The following NCAM2 variants were observed in gnomAD, a reference collection of about 807,000 sequenced individuals.
The protein encoded by NCAM2 is neural cell adhesion molecule 2.
NCAM2 carries 30 observed loss-of-function variants against 98.1 expected under a neutral mutation model. The ratio of observed to expected loss-of-function variants is 0.31; its 90% CI spans 0.23 to 0.41. The LOEUF is 0.41. Ranked by LOEUF, NCAM2 falls within the 10% of genes least tolerant of loss-of-function variation. The pLI is 1.00. For synonymous variants in NCAM2, 368 were observed against 342.4 expected (o/e 1.07, Z -0.83); for missense variants, 867 against 1,005.8 (o/e 0.86, Z 1.87).
In NCAM2 at chr21:21,501,914, G is replaced by A. The variant is rs147506528; in HGVS notation, c.2078-6937G>A. 5.7e-4 allele frequency among the ~76,000 whole-genome samples: 87 copies of A among 152,028 alleles called. 1 individual carries two copies. In the East Asian group the frequency reaches 0.014, roughly 25 times the overall value. On this transcript the variant is annotated intron_variant, in intron 15 of 17. Transcript: ENST00000400546. ...ATCCAAATCAGCAATATTTTAAGAA[G>A]TATCCCTGTGAAGTCCAACACTGAT...
At chr21:21,312,348 A>G (rs2074081412) in intron 5 of NCAM2, among the ~76,000 whole-genome samples, 1 of 151,092 alleles carries the variant, frequency 6.6e-6, no homozygotes, top group Non-Finnish European at 1.5e-5. Context: ...ATTTAATAAT[A>G]CTCAATATAC....
chr21:21,248,630 AG>A (rs2147274475), intron 1 of NCAM2, among the ~76,000 whole-genome samples: 1 of 151,976 alleles, frequency 6.6e-6, no homozygotes, highest in Non-Finnish European at 1.5e-5. Flanking sequence ...CAAAAAAATT[AG>A]CTGGGCGTGG....
intron 16 of NCAM2, among the ~76,000 whole-genome samples, 170 bp from the exon 17 acceptor site, chr21:21,534,363 AATAT>A (rs766566415): frequency 1.3e-5 from 2 of 152,202 alleles, no homozygotes; most frequent in East Asian, 3.9e-4. Context: ...TCTGAGTGAT[AATAT>A]ATGGTGAAAC....
intron 11 of NCAM2, among the ~76,000 whole-genome samples, chr21:21,423,271 CTT>C (rs2077149072): frequency 6.6e-6 from 1 of 152,154 alleles, no homozygotes; most frequent in Non-Finnish European, 1.5e-5. Flanking sequence ...AGCCTCAGCT[CTT>C]TAAGAGTTTC....
intron 1 of NCAM2, among the ~76,000 whole-genome samples, chr21:21,119,000 T>G (rs2186976): frequency 6.6e-6 from 1 of 151,804 alleles, no homozygotes; most frequent in Admixed American, 6.6e-5. Flanking sequence ...TCTTGTCACC[T>G]CCTCTTTTTG....
intron 1 of NCAM2, among the ~76,000 whole-genome samples, chr21:21,151,127 A>G (rs1199959688): frequency 6.6e-6 from 1 of 151,980 alleles, no homozygotes; most frequent in Non-Finnish European, 1.5e-5. Flanking sequence ...ACACTTCTGT[A>G]TCTGGCAATT....
chr21:21,505,223 G>T (rs1987908319), intron 15 of NCAM2, among the ~76,000 whole-genome samples: 1 of 151,974 alleles, frequency 6.6e-6, no homozygotes, highest in Non-Finnish European at 1.5e-5. Context: ...GCTCCTATAT[G>T]GTTAAAAAAG....
intron 1 of NCAM2, among the ~76,000 whole-genome samples, chr21:21,168,411 C>T (rs1174958855): frequency 2.0e-5 from 3 of 151,942 alleles, no homozygotes; most frequent in Non-Finnish European, 4.4e-5. Flanking sequence ...TTCTCATTAG[C>T]GCTTTTCATC....
intron 1 of NCAM2, among the ~76,000 whole-genome samples, chr21:21,195,754 CAT>C (rs2068981657): frequency 6.6e-6 from 1 of 152,122 alleles, no homozygotes; most frequent in Non-Finnish European, 1.5e-5. Flanking sequence ...ATACTCCAGA[CAT>C]GATTGCTGTA....
chr21:21,054,182 A>G (rs1388523938), intron 1 of NCAM2, among the ~76,000 whole-genome samples: 1 of 151,948 alleles, frequency 6.6e-6, no homozygotes, highest in East Asian at 1.9e-4. Context: ...GCTTTTCATG[A>G]CTTTGTGATT....
intron 15 of NCAM2, among the ~76,000 whole-genome samples, chr21:21,507,603 C>T (rs1003993663): frequency 1.3e-4 from 20 of 151,942 alleles, no homozygotes; most frequent in Non-Finnish European, 2.5e-4. Flanking sequence ...ACCATCCTGG[C>T]TAACACGGTG....
intron 1 of NCAM2, among the ~76,000 whole-genome samples, chr21:21,042,664 TC>T (rs2064930099): frequency 6.6e-6 from 1 of 152,122 alleles, no homozygotes; most frequent in African/African-American, 2.4e-5. Flanking sequence ...TCTGAACTGC[TC>T]CCCTCAGGCC....
intron 1 of NCAM2, among the ~76,000 whole-genome samples, chr21:21,144,381 A>G (rs1032155249): frequency 3.3e-5 from 5 of 152,180 alleles, no homozygotes; most frequent in African/African-American, 1.2e-4. Flanking sequence ...TTCAAATTAC[A>G]AAACAAAATG....
rs181895171 is a variant in NCAM2, at chr21:21,200,952, A to G, written c.56-79626A>G. On this transcript the variant is annotated intron_variant, in intron 1 of 17. Coordinates refer to ENST00000400546, the MANE Select transcript of NCAM2 (RefSeq NM_004540.5). The stretch of plus-strand genomic sequence containing the variant: ...GTATAGATCTTCTCCAACATTATCT[A>G]TCAGAGTGCATATTAATGAGTGGAT... Among the ~76,000 whole-genome samples the G allele has an allele frequency of 1.1e-3, 164 of 152,168 alleles. 2 individuals carry two copies. The highest frequency in any genetic ancestry group is 3.8e-3 in the African/African-American group (157 of 41,518).
intron 9 of NCAM2, among the ~76,000 whole-genome samples, chr21:21,394,203 A>G (rs1364412117): frequency 3.3e-5 from 5 of 152,200 alleles, no homozygotes; most frequent in Non-Finnish European, 7.3e-5. Flanking sequence ...CCACATAGCC[A>G]TTAGAATTCC....
chr21:21,157,441 T>A (rs1437221423), intron 1 of NCAM2, among the ~76,000 whole-genome samples: 1 of 152,166 alleles, frequency 6.6e-6, no homozygotes, highest in Non-Finnish European at 1.5e-5. Flanking sequence ...TTTTACAGAT[T>A]ATTTTGGAAG....
At chr21:21,321,359 G>A (rs573262920) in intron 5 of NCAM2, among the ~76,000 whole-genome samples, 1 of 151,962 alleles carries the variant, frequency 6.6e-6, no homozygotes, top group Non-Finnish European at 1.5e-5. Context: ...CCATTCTGTA[G>A]GCTGTCTGTT....
At chr21:21,292,349 T>A (rs942075780) in intron 5 of NCAM2, 108 bp downstream of exon 5, 7 of 1,054,544 alleles carry the variant, frequency 6.6e-6, no homozygotes, top group Non-Finnish European at 1.4e-6. Context: ...AATAAACCTC[T>A]TCTATACCAG....
At chr21:21,228,755 G>A (rs1184693223) in intron 1 of NCAM2, among the ~76,000 whole-genome samples, 1 of 151,386 alleles carries the variant, frequency 6.6e-6, no homozygotes, top group Non-Finnish European at 1.5e-5. Flanking sequence ...CACCTGGGAG[G>A]CAAGAAAGGA....
Sources: gnomAD v4.1 joint callset for allele counts (sites outside exome capture counted in the v4.1 genomes callset) on GRCh38, gnomAD v4.1.1 for gene constraint, MANE v1.5 for transcripts, NCBI Gene and HGNC (gene_info 2026-07-23, HGNC 2026-07-21) for gene names.